The following MNAT1 variants were observed in gnomAD, a reference collection of about 807,000 sequenced individuals.
MNAT1 encodes the protein CDK-activating kinase assembly factor MAT1.
A neutral mutation model predicts 42.0 loss-of-function variants in MNAT1; 43 were observed. The observed-to-expected ratio is 1.02, with a 90% confidence interval of 0.80 to 1.32. MNAT1 has a LOEUF of 1.32. MNAT1 is among the 40% of genes most tolerant of loss of function. The pLI is 0.00. For missense variants in MNAT1, 306 were observed against 350.4 expected, an observed-to-expected ratio of 0.87 and a Z score of 1.01; for synonymous variants, 118 against 120.0, an observed-to-expected ratio of 0.98 and a Z score of 0.11.
intron 6 of MNAT1, among the ~76,000 whole-genome samples, chr14:60,869,027 T>C (rs1477543423): frequency 2.3e-5 from 2 of 86,048 alleles, no homozygotes; most frequent in African/African-American, 3.7e-5. Flanking sequence ...TTTATACATA[T>C]ATATATATAT....
chr14:60,950,846 TA>T (rs1399513624), intron 7 of MNAT1, among the ~76,000 whole-genome samples: 2 of 152,248 alleles, frequency 1.3e-5, no homozygotes, highest in African/African-American at 4.8e-5. Flanking sequence ...ATATCTTAAC[TA>T]ATCAGAACCT....
chr14:60,794,746 C>A, intron 1 of MNAT1, among the ~76,000 whole-genome samples: 2 of 142,994 alleles, frequency 1.4e-5, no homozygotes, highest in African/African-American at 2.6e-5. Context: ...ATTTAAAGAT[C>A]AATGTTAGTA....
intron 3 of MNAT1, among the ~76,000 whole-genome samples, chr14:60,806,726 G>T (rs1240153974): frequency 6.6e-6 from 1 of 152,212 alleles, no homozygotes; most frequent in Non-Finnish European, 1.5e-5. Flanking sequence ...AGCTACTTGG[G>T]AGGCTGAGGT....
chr14:60,865,876 C>G (rs917962502), intron 6 of MNAT1, among the ~76,000 whole-genome samples: 2 of 151,982 alleles, frequency 1.3e-5, no homozygotes, highest in Admixed American at 6.6e-5. Context: ...TCTGTTTTCA[C>G]CACTGTACTG....
intron 6 of MNAT1, among the ~76,000 whole-genome samples, chr14:60,878,817 C>T (rs2034487686): frequency 6.6e-6 from 1 of 152,108 alleles, no homozygotes; most frequent in African/African-American, 2.4e-5. Flanking sequence ...AGAAAGGCTT[C>T]AGGATCTTGA....
At chr14:60,874,329 G>A (rs1342829393) in intron 6 of MNAT1, among the ~76,000 whole-genome samples, 2 of 151,956 alleles carry the variant, frequency 1.3e-5, no homozygotes, top group African/African-American at 4.8e-5. Context: ...CCATATTCCT[G>A]TCTCTGCTCA....
intron 6 of MNAT1, among the ~76,000 whole-genome samples, chr14:60,852,950 C>T (rs1388016948): frequency 2.0e-5 from 3 of 152,008 alleles, no homozygotes; most frequent in Non-Finnish European, 4.4e-5. Flanking sequence ...TTACTGTAGC[C>T]TTGTAGTATA....
intron 1 of MNAT1, among the ~76,000 whole-genome samples, chr14:60,743,135 A>T (rs922060109): frequency 6.6e-6 from 1 of 152,146 alleles, no homozygotes; most frequent in Non-Finnish European, 1.5e-5. Flanking sequence ...TGCTTGTTAT[A>T]GTTGTCTTTT....
intron 1 of MNAT1, among the ~76,000 whole-genome samples, chr14:60,746,514 CAA>C (rs11296750): frequency 1.7e-4 from 21 of 126,440 alleles, no homozygotes; most frequent in Admixed American, 1.6e-4. Context: ...GACTCTGTCT[CAA>C]AAAAAAAAAA....
chr14:60,869,041 T>TATATATATATATATATATATATATATATA (rs373998263), intron 6 of MNAT1, among the ~76,000 whole-genome samples: 3 of 92,758 alleles, frequency 3.2e-5, no homozygotes, highest in Non-Finnish European at 6.6e-5. Flanking sequence ...TATATATATA[T>TATATATATATATATATATATATATATATA]TTTTTTTTTT....
chr14:60,871,292 G>A (rs1049233461), intron 6 of MNAT1, among the ~76,000 whole-genome samples: 1 of 152,028 alleles, frequency 6.6e-6, no homozygotes, highest in Non-Finnish European at 1.5e-5. Flanking sequence ...CATTTCTCCT[G>A]GGTAGATACT....
chr14:60,881,996 C>T (rs112219523), intron 7 of MNAT1, among the ~76,000 whole-genome samples: 1 of 151,924 alleles, frequency 6.6e-6, no homozygotes, highest in Admixed American at 6.6e-5. Flanking sequence ...CCCGACTCTA[C>T]TAAAAATACA....
chr14:60,794,055 A>G (rs898541500), intron 1 of MNAT1, among the ~76,000 whole-genome samples: 3 of 152,182 alleles, frequency 2.0e-5, no homozygotes, highest in African/African-American at 7.2e-5. Flanking sequence ...GTTCTATATT[A>G]CCTTGCTGAC....
intron 1 of MNAT1, among the ~76,000 whole-genome samples, chr14:60,737,580 A>G (rs1225991619): frequency 6.6e-6 from 1 of 152,148 alleles, no homozygotes; most frequent in Non-Finnish European, 1.5e-5. Flanking sequence ...GTAAGCATCC[A>G]TAAATATGCA....
At chr14:60,885,527 A>G (rs1216331251) in intron 7 of MNAT1, among the ~76,000 whole-genome samples, 3 of 151,964 alleles carry the variant, frequency 2.0e-5, no homozygotes, top group African/African-American at 4.8e-5. Context: ...GCAGCTTTTC[A>G]TACACCTTTT....
rs141232421 is a variant in MNAT1, at chr14:60,738,111, A to G, written c.89+3160A>G. On this transcript the variant is annotated intron_variant, in intron 1 of 7. Transcript: ENST00000261245. ...AAAAAAAAAAAAGATCTTGTCAATTATGTTACCAACAACTGTATGGAGATT... is the reference window on the plus strand; with the variant it reads ...AAAAAAAAAAAAGATCTTGTCAATTGTGTTACCAACAACTGTATGGAGATT... Among the ~76,000 whole-genome samples, 17 of 149,080 alleles carry G rather than the reference A, an allele frequency of 1.1e-4. No homozygotes were observed. The East Asian group carries it at 3.2e-3, about 28-fold the overall frequency.
chr14:60,889,149 G>C (rs930439693), intron 7 of MNAT1, among the ~76,000 whole-genome samples: 5 of 152,110 alleles, frequency 3.3e-5, no homozygotes, highest in African/African-American at 1.2e-4. Context: ...TGAGTCAATT[G>C]TAAGCCAAAA....
intron 7 of MNAT1, among the ~76,000 whole-genome samples, chr14:60,950,477 G>A (rs1293017029): frequency 6.6e-6 from 1 of 152,178 alleles, no homozygotes; most frequent in East Asian, 1.9e-4. Context: ...CCACCCCAGT[G>A]ACTGATATAT....
intron 1 of MNAT1, among the ~76,000 whole-genome samples, chr14:60,743,104 G>A (rs983733004): frequency 1.4e-4 from 21 of 152,188 alleles, no homozygotes; most frequent in African/African-American, 4.8e-4. Context: ...GAGGGCTCTA[G>A]TCTCTCTATG....
Sources: gnomAD v4.1 joint callset for allele counts (sites outside exome capture counted in the v4.1 genomes callset) on GRCh38, gnomAD v4.1.1 for gene constraint, MANE v1.5 for transcripts, NCBI Gene and HGNC (gene_info 2026-07-23, HGNC 2026-07-21) for gene names.